PRSS53: variants seen among roughly 807,000 people sequenced by gnomAD.
PRSS53 encodes the protein EDTP308.
PRSS53 carries 54 observed loss-of-function variants against 62.7 expected under a neutral mutation model. That is an observed-to-expected ratio of 0.86 (90% CI 0.69 to 1.08). The LOEUF (loss-of-function observed/expected upper bound fraction) is 1.08. PRSS53 is among the 50% of genes least tolerant of loss of function. The pLI is 0.00. For synonymous variants in PRSS53, 273 were observed against 300.0 expected (o/e 0.91, Z 0.93); for missense variants, 688 against 728.3 (o/e 0.94, Z 0.64).
exon 1 of PRSS53, chr16:31,088,769 G>C: frequency 6.2e-7 from 1 of 1,613,686 alleles, no homozygotes; most frequent in Non-Finnish European, 8.5e-7. Flanking sequence ...GAGGACTGTG[G>C]CACCCGCGAT....
At chr16:31,083,843 A>T in intron 10 of PRSS53, 34 bp from the exon 11 acceptor site, 1 of 1,613,980 alleles carries the variant, frequency 6.2e-7, no homozygotes, top group Non-Finnish European at 8.5e-7. Context: ...AGTTGTCCTC[A>T]TCCTCACGGC....
rs1462895669 is a variant in PRSS53 at position 31,084,322 on chromosome 16, G to GC, written c.1438dup (p.Ala480GlyfsTer6). 3 of 1,612,012 alleles carry GC rather than the reference G, an allele frequency of 1.9e-6. No individual in the cohort carries two copies. The highest frequency in any genetic ancestry group is 1.7e-6 in the Non-Finnish European group (2 of 1,179,720). ...GCCCCTCACCTCATGCACCAGTGGT[G>GC]CCCCAGACAGGCCCTGTCAGGGGTC... On this transcript the variant is annotated frameshift_variant, in exon 10 of 11. Transcript: ENST00000280606. LOFTEE classifies it high-confidence loss of function.
exon 1 of PRSS53, chr16:31,088,785 G>A (rs762947748): frequency 5.6e-6 from 9 of 1,613,830 alleles, no homozygotes; most frequent in Admixed American, 3.3e-5. Context: ...GCGATGAGCA[G>A]CACTGGGCCC....
chr16:31,086,801 G>A, exon 4 of PRSS53: 6 of 1,613,542 alleles, frequency 3.7e-6, no homozygotes, highest in Non-Finnish European at 5.1e-6. Context: ...GGCAACTGCA[G>A]GGCAGCCACC....
exon 8 of PRSS53, chr16:31,084,931 G>T: frequency 6.5e-7 from 1 of 1,546,014 alleles, no homozygotes; most frequent in Non-Finnish European, 8.7e-7. Flanking sequence ...CCCCCTCAGG[G>T]TGGGTGTAGG....
rs957917839 is a variant in PRSS53 at position 31,084,343 on chromosome 16, G to C, written c.1426-8C>G. 2 of 1,608,784 alleles carry C rather than the reference G, an allele frequency of 1.2e-6. No individual in the cohort carries two copies. The highest frequency in any genetic ancestry group is 1.7e-6 in the Non-Finnish European group (2 of 1,178,394). On this transcript the variant is annotated splice_region_variant and splice_polypyrimidine_tract_variant and intron_variant, in intron 9 of 10. Transcript: ENST00000280606. ...TGGTGCCCCAGACAGGCCCTGTCAG[G>C]GGTCAGGTGACACTGGGTGACTTTT...
chr16:31,085,314 A>G, intron 6 of PRSS53, 54 bp from the exon 7 acceptor site: 2 of 1,473,594 alleles, frequency 1.4e-6, no homozygotes, highest in Non-Finnish European at 1.8e-6. Flanking sequence ...CCCACTTCCC[A>G]TCAAATCCTC....
At chr16:31,083,472 G>T in exon 11 of PRSS53, 1 of 1,317,564 alleles carries the variant, frequency 7.6e-7, no homozygotes, top group East Asian at 3.3e-5. Flanking sequence ...TTTAAAAAAA[G>T]GAAAACTGCT....
chr16:31,087,289 G>GC, intron 3 of PRSS53: 1 of 572,132 alleles, frequency 1.7e-6, no homozygotes, highest in Non-Finnish European at 3.1e-6. Context: ...GAGCTACTGT[G>GC]CCCGGCCTCA....
At chr16:31,087,929 TG>T in intron 1 of PRSS53, 103 bp from the exon 2 acceptor site, 1 of 1,563,640 alleles carries the variant, frequency 6.4e-7, no homozygotes, top group Non-Finnish European at 8.7e-7. Flanking sequence ...TCCTTGCCTG[TG>T]ACTCTGATTA....
rs755170557 is a variant in PRSS53 at position 31,088,849 on chromosome 16, G to A, written c.-40C>T. The stretch of plus-strand genomic sequence containing the variant: ...CTCTGCCACCTGTGCTCCACTCTGA[G>A]AGAGGCCACCTGGGTCTCCCTGGCT... On this transcript the variant is annotated 5_prime_UTR_variant, in exon 1 of 11. Coordinates refer to ENST00000280606, the Ensembl canonical transcript of PRSS53. 4.7e-5 allele frequency: 76 copies of A among 1,611,684 alleles called. 4 individuals are homozygous for A. The South Asian group carries it at 8.2e-4, about 17-fold the overall frequency.
At chr16:31,084,025 AG>A in intron 10 of PRSS53, 93 bp downstream of exon 10, 3 of 1,503,916 alleles carry the variant, frequency 2.0e-6, no homozygotes, top group Non-Finnish European at 1.8e-6. Context: ...ACCCTACCCA[AG>A]GCAGCTGGAG....
intron 9 of PRSS53, 54 bp from the exon 10 acceptor site, chr16:31,084,389 G>A (rs929931237): frequency 7.1e-6 from 11 of 1,545,572 alleles, no homozygotes; most frequent in African/African-American, 2.7e-5. Context: ...TGTGCAGGAC[G>A]GTAGAGCAGG....
At chr16:31,083,992 C>A in intron 10 of PRSS53, 127 bp downstream of exon 10, 3 of 1,498,234 alleles carry the variant, frequency 2.0e-6, no homozygotes, top group Non-Finnish European at 2.7e-6. Flanking sequence ...GAATCTGAAT[C>A]AAATGGGTCT....
chr16:31,088,831 A>C, exon 1 of PRSS53: 4 of 1,613,262 alleles, frequency 2.5e-6, no homozygotes, highest in African/African-American at 1.3e-5. Context: ...CCACTCTGCC[A>C]CCTGTGCTCC....
chr16:31,088,607 C>T, intron 1 of PRSS53, 145 bp downstream of exon 1: 1 of 1,484,648 alleles, frequency 6.7e-7, no homozygotes, highest in Non-Finnish European at 8.9e-7. Flanking sequence ...ATATACCACC[C>T]CACAGAGTCC....
chr16:31,087,327 C>T, intron 3 of PRSS53: 2 of 598,958 alleles, frequency 3.3e-6, no homozygotes. Context: ...AGGTCATTCC[C>T]TTGCAACCTG....
intron 1 of PRSS53, chr16:31,088,474 AG>A: frequency 7.6e-7 from 1 of 1,320,080 alleles, no homozygotes; most frequent in Admixed American, 3.3e-5. Flanking sequence ...GTGGAAGTCG[AG>A]GGGGAGGCAG....
At chr16:31,084,448 T>G (rs762283936) in intron 9 of PRSS53, 110 bp downstream of exon 9, 1 of 1,496,494 alleles carries the variant, frequency 6.7e-7, no homozygotes, top group Non-Finnish European at 9.0e-7. Context: ...AAGGCTTAGT[T>G]TCAGGTGGGA....
Sources: gnomAD v4.1 joint callset for allele counts on GRCh38, gnomAD v4.1.1 for gene constraint, MANE v1.5 for transcripts, NCBI Gene and HGNC (gene_info 2026-07-23, HGNC 2026-07-21) for gene names.